The following RB1 variants were observed in gnomAD, a reference collection of about 807,000 sequenced individuals.
The protein encoded by RB1 is retinoblastoma-associated protein.
A neutral mutation model predicts 135.4 loss-of-function variants in RB1; 18 were observed. The observed-to-expected ratio is 0.13, with a 90% confidence interval of 0.09 to 0.20. The LOEUF (loss-of-function observed/expected upper bound fraction) is 0.20, where lower values mean the gene tolerates loss of function less well. Ranked by LOEUF, RB1 falls within the 10% of genes least tolerant of loss-of-function variation. RB1 has a pLI of 1.00. For missense variants in RB1, 868 were observed against 1,110.0 expected, an observed-to-expected ratio of 0.78 and a Z score of 3.10; for synonymous variants, 365 against 373.2, an observed-to-expected ratio of 0.98 and a Z score of 0.25.
In RB1 at chr13:48,331,008, A is replaced by G. The variant is rs535576070; in HGVS notation, c.265-11591A>G. On this transcript the variant is annotated intron_variant, in intron 2 of 26. Transcript: ENST00000267163. Reference sequence around the variant, plus strand: ...ACATATGCAAATCTATAAATATACCACTTCAACAGAATGAAGGACAAATTA... The same window carrying G: ...ACATATGCAAATCTATAAATATACCGCTTCAACAGAATGAAGGACAAATTA... 3.3e-5 allele frequency among the ~76,000 whole-genome samples: 5 copies of G among 152,328 alleles called. No individual in the cohort carries two copies. In the South Asian group the frequency reaches 1.0e-3, roughly 32 times the overall value.
chr13:48,414,560 T>C (rs1948876080), intron 17 of RB1, among the ~76,000 whole-genome samples: 1 of 152,112 alleles, frequency 6.6e-6, no homozygotes, highest in African/African-American at 2.4e-5. Flanking sequence ...TTTAATTTGG[T>C]CTAGTTTAAG....
At position 48,481,590 on chromosome 13, in the gene RB1, TA is replaced by T. The variant is rs770204264; in HGVS notation, c.*1520del. 9.5e-5 allele frequency: 22 copies of T among 230,676 alleles called. No individual in the cohort carries two copies. The highest frequency in any genetic ancestry group is 3.4e-4 in the Admixed American group (6 of 17,712). 14.3% of individuals were successfully genotyped at this position (230,676 alleles called of 1,614,324 possible). A position where few individuals can be genotyped will look rare whatever the true frequency, so the allele number is the denominator to read the frequency against. On this transcript the variant is annotated 3_prime_UTR_variant, in exon 27 of 27. Coordinates refer to ENST00000267163, the MANE Select transcript of RB1 (RefSeq NM_000321.3). ...ACAGTTATTTTGATAACAATGACAC[TA>T]GAAAACTTGACTCCATTTCATCATT...
chr13:48,446,495 A>G (rs1042602312), intron 17 of RB1, among the ~76,000 whole-genome samples: 3 of 152,202 alleles, frequency 2.0e-5, no homozygotes, highest in African/African-American at 7.2e-5. Context: ...AAATAAATGA[A>G]TTTATAACAT....
intron 17 of RB1, among the ~76,000 whole-genome samples, chr13:48,420,009 G>A (rs1373689607): frequency 1.3e-5 from 2 of 152,082 alleles, no homozygotes; most frequent in African/African-American, 2.4e-5. Flanking sequence ...AGCAATAGAA[G>A]AAAAGAGAGT....
At chr13:48,378,304 AT>A (rs1355718814) in intron 13 of RB1, among the ~76,000 whole-genome samples, 30 of 152,280 alleles carry the variant, frequency 2.0e-4, no homozygotes, top group East Asian at 1.9e-3. Flanking sequence ...CTGTACAAAA[AT>A]ATTTTCTTTC....
rs554287659 is a variant in RB1, at chr13:48,307,693, A to C, written c.264+287A>C. Among the ~76,000 whole-genome samples, 19 of 63,134 alleles carry C rather than the reference A, an allele frequency of 3.0e-4. No individual in the cohort carries two copies. The South Asian group carries it at 0.015, about 50-fold the overall frequency. 41.4% of individuals were successfully genotyped at this position (63,134 alleles called of 152,430 possible). A position where few individuals can be genotyped will look rare whatever the true frequency, so the allele number is the denominator to read the frequency against. On this transcript the variant is annotated intron_variant, in intron 2 of 26. Coordinates refer to ENST00000267163, the MANE Select transcript of RB1 (RefSeq NM_000321.3). Reference sequence around the variant, plus strand: ...AACATGGTGAAACCCTGTCTCTACTAAAATACAAAAAAAAAAAAAAAAATT... The same window carrying C: ...AACATGGTGAAACCCTGTCTCTACTCAAATACAAAAAAAAAAAAAAAAATT...
intron 2 of RB1, among the ~76,000 whole-genome samples, chr13:48,320,835 AAG>A (rs1403288753): frequency 6.6e-6 from 1 of 150,840 alleles, no homozygotes; most frequent in Non-Finnish European, 1.5e-5. Flanking sequence ...CGTCTCAAAA[AAG>A]AAAAAAAAAA....
chr13:48,465,448 T>C, intron 23 of RB1, 80 bp downstream of exon 23: 1 of 1,357,566 alleles, frequency 7.4e-7, no homozygotes, highest in East Asian at 2.4e-5. Context: ...TATAAAGCAT[T>C]CTTCATTTCA....
intron 6 of RB1, 96 bp from the exon 7 acceptor site, chr13:48,359,921 A>G: frequency 6.6e-7 from 1 of 1,522,644 alleles, no homozygotes. Flanking sequence ...TGATTGTTGA[A>G]TGAATAAATT....
intron 17 of RB1, among the ~76,000 whole-genome samples, chr13:48,383,869 G>C (rs970430018): frequency 6.6e-6 from 1 of 151,998 alleles, no homozygotes; most frequent in Non-Finnish European, 1.5e-5. Flanking sequence ...AGATATTCCT[G>C]TATCATCTGA....
intron 17 of RB1, among the ~76,000 whole-genome samples, chr13:48,382,499 T>C (rs1173439112): frequency 5.3e-5 from 8 of 152,226 alleles, no homozygotes; most frequent in South Asian, 2.1e-4. Context: ...ATGTCTTCTT[T>C]TGAGAAGTGT....
intron 4 of RB1, among the ~76,000 whole-genome samples, chr13:48,346,483 T>C (rs986083681): frequency 3.3e-5 from 5 of 151,688 alleles, no homozygotes; most frequent in Non-Finnish European, 5.9e-5. Flanking sequence ...TTACAACCTT[T>C]TTAATTCATA....
intron 2 of RB1, among the ~76,000 whole-genome samples, chr13:48,337,133 T>A (rs1346359662): frequency 2.0e-5 from 3 of 152,200 alleles, no homozygotes; most frequent in African/African-American, 7.2e-5. Flanking sequence ...AAGTGTGATA[T>A]GCTGAGAAGA....
chr13:48,376,298 C>T (rs1039039987), intron 12 of RB1, among the ~76,000 whole-genome samples: 2 of 151,876 alleles, frequency 1.3e-5, no homozygotes, highest in African/African-American at 2.4e-5. Flanking sequence ...ATCAGGAGTT[C>T]GAGACCAGGC....
At chr13:48,346,781 T>TG (rs1952502700) in intron 4 of RB1, among the ~76,000 whole-genome samples, 1 of 152,088 alleles carries the variant, frequency 6.6e-6, no homozygotes, top group Admixed American at 6.6e-5. Context: ...ACGCATAGAA[T>TG]GAAATGACTG....
At chr13:48,330,516 A>C (rs1047703354) in intron 2 of RB1, among the ~76,000 whole-genome samples, 1 of 152,232 alleles carries the variant, frequency 6.6e-6, no homozygotes, top group African/African-American at 2.4e-5. Flanking sequence ...AAGAATCCTG[A>C]GAATACTTTG....
intron 17 of RB1, among the ~76,000 whole-genome samples, chr13:48,435,659 AT>A (rs1444958473): frequency 6.6e-6 from 1 of 152,146 alleles, no homozygotes; most frequent in Admixed American, 6.5e-5. Flanking sequence ...ATTTTCCCTT[AT>A]ACTTAAAAAA....
intron 19 of RB1, among the ~76,000 whole-genome samples, chr13:48,458,806 T>C (rs1949378096): frequency 6.6e-6 from 1 of 152,236 alleles, no homozygotes; most frequent in South Asian, 2.1e-4. Context: ...TTTTGCCAAA[T>C]TTGCATTTTC....
intron 17 of RB1, among the ~76,000 whole-genome samples, chr13:48,404,933 G>A (rs547614052): frequency 6.6e-6 from 1 of 152,186 alleles, no homozygotes; most frequent in African/African-American, 2.4e-5. Context: ...GTTCTCATTA[G>A]GAATACTGGA....
Sources: allele counts gnomAD v4.1 joint callset (sites outside exome capture counted in the v4.1 genomes callset), GRCh38; gene constraint gnomAD v4.1.1; transcripts MANE v1.5; gene names NCBI Gene and HGNC (gene_info 2026-07-23, HGNC 2026-07-21).